Variants in PRELID2 observed in about 807,000 individuals in gnomAD.
The protein encoded by PRELID2 is PRELI domain-containing protein 2.
Under a neutral mutation model 28.4 loss-of-function variants are expected in PRELID2, and 25 were observed. The ratio of observed to expected loss-of-function variants is 0.88; its 90% CI spans 0.64 to 1.23. The LOEUF (loss-of-function observed/expected upper bound fraction) is 1.23. Ranked by LOEUF, PRELID2 falls within the 50% of genes most tolerant of loss-of-function variation. The pLI, the probability that PRELID2 is intolerant of heterozygous loss-of-function variation, is 0.00. For missense variants in PRELID2, 201 were observed against 214.4 expected, an observed-to-expected ratio of 0.94 and a Z score of 0.39; for synonymous variants, 76 against 71.6, an observed-to-expected ratio of 1.06 and a Z score of -0.31.
chr5:145,336,109 C>G, the PRELID2 span, among the ~76,000 whole-genome samples: 2 of 152,108 alleles, frequency 1.3e-5, no homozygotes, highest in Non-Finnish European at 2.9e-5. Flanking sequence ...TGCCCACTTT[C>G]TGATGGGGTT....
chr5:145,504,183 A>G (rs1455283691), intron 1 of PRELID2, among the ~76,000 whole-genome samples: 1 of 152,176 alleles, frequency 6.6e-6, no homozygotes, highest in Non-Finnish European at 1.5e-5. Context: ...GGAACAGCAC[A>G]AGCTAGCAGG....
chr5:145,315,734 C>T, the PRELID2 span, among the ~76,000 whole-genome samples: 1 of 150,782 alleles, frequency 6.6e-6, no homozygotes, highest in Non-Finnish European at 1.5e-5. Context: ...TATGGCACAT[C>T]CATATAATGG....
At chr5:145,416,386 G>T in the PRELID2 span, among the ~76,000 whole-genome samples, 1 of 151,868 alleles carries the variant, frequency 6.6e-6, no homozygotes, top group Non-Finnish European at 1.5e-5. Flanking sequence ...AACACCAAAA[G>T]CAATGGCAAC....
the PRELID2 span, among the ~76,000 whole-genome samples, chr5:145,432,964 C>T: frequency 3.2e-3 from 492 of 152,236 alleles, 4 homozygotes; most frequent in African/African-American, 0.011. Context: ...AAATATCCAG[C>T]TTTAATGCTA....
intron 1 of PRELID2, among the ~76,000 whole-genome samples, chr5:145,526,088 C>T (rs1046904245): frequency 1.3e-5 from 2 of 152,180 alleles, no homozygotes; most frequent in Admixed American, 6.5e-5. Flanking sequence ...ACCATCATAG[C>T]TATAAAAGCC....
At chr5:145,427,501 A>C in the PRELID2 span, among the ~76,000 whole-genome samples, 1 of 152,238 alleles carries the variant, frequency 6.6e-6, no homozygotes, top group Non-Finnish European at 1.5e-5. Context: ...TGGAGAGCGC[A>C]GAATCAGTGA....
At chr5:145,627,466 T>G (rs78243758) in intron 1 of PRELID2, among the ~76,000 whole-genome samples, 3,062 of 152,108 alleles carry the variant, frequency 0.02, 116 homozygotes, top group African/African-American at 0.07. Flanking sequence ...ATAACATAAC[T>G]GCACTTACAC....
At chr5:145,267,091 G>A in the PRELID2 span, among the ~76,000 whole-genome samples, 32 of 152,144 alleles carry the variant, frequency 2.1e-4, 1 homozygote, top group East Asian at 2.1e-3. Flanking sequence ...TCTGCAAGCC[G>A]AGGAGCAAAG....
At chr5:145,528,690 TACACACACACAC>T (rs34302691) in intron 1 of PRELID2, among the ~76,000 whole-genome samples, 20 of 129,764 alleles carry the variant, frequency 1.5e-4, no homozygotes, top group African/African-American at 2.4e-4. Context: ...CATTCTAAAC[TACACACACACAC>T]ACACACACAC....
At chr5:145,698,050 G>C (rs1755320510) in intron 1 of PRELID2, among the ~76,000 whole-genome samples, 1 of 151,724 alleles carries the variant, frequency 6.6e-6, no homozygotes, top group South Asian at 2.1e-4. Flanking sequence ...AAACATAAAT[G>C]CAAGCTCTTT....
chr5:145,404,422 G>A, the PRELID2 span, among the ~76,000 whole-genome samples: 2 of 152,080 alleles, frequency 1.3e-5, no homozygotes, highest in Admixed American at 6.6e-5. Context: ...GACATTATTT[G>A]CATTTATTCA....
chr5:145,447,082 T>C, the PRELID2 span, among the ~76,000 whole-genome samples: 3 of 150,698 alleles, frequency 2.0e-5, no homozygotes, highest in East Asian at 3.9e-4. Flanking sequence ...AATAAATAAA[T>C]AAAAATTTAA....
At chr5:145,775,378 G>C (rs1484466898) in intron 5 of PRELID2, among the ~76,000 whole-genome samples, 3 of 152,130 alleles carry the variant, frequency 2.0e-5, no homozygotes, top group Non-Finnish European at 4.4e-5. Flanking sequence ...GTCAGCTTCG[G>C]CACATTCCTT....
At chr5:145,584,977 C>T (rs1278739500) in intron 1 of PRELID2, among the ~76,000 whole-genome samples, 3 of 152,118 alleles carry the variant, frequency 2.0e-5, no homozygotes, top group Admixed American at 1.3e-4. Context: ...TATAAAGATA[C>T]ATGCATGTGT....
chr5:145,673,200 C>G (rs1754744823), intron 1 of PRELID2, among the ~76,000 whole-genome samples: 1 of 152,250 alleles, frequency 6.6e-6, no homozygotes, highest in Admixed American at 6.5e-5. Flanking sequence ...GGGTTGAAGG[C>G]AGCCAACCAA....
At chr5:145,780,400 G>A (rs1187866236) in intron 5 of PRELID2, among the ~76,000 whole-genome samples, 1 of 152,176 alleles carries the variant, frequency 6.6e-6, no homozygotes, top group East Asian at 1.9e-4. Context: ...TACAAAGTAG[G>A]TTCCAATATT....
At chr5:145,523,247 A>G (rs539047393) in intron 1 of PRELID2, among the ~76,000 whole-genome samples, 84 of 152,204 alleles carry the variant, frequency 5.5e-4, no homozygotes, top group Non-Finnish European at 1.1e-3. Flanking sequence ...TCATCATCTA[A>G]CAGATGCAAT....
intron 1 of PRELID2, among the ~76,000 whole-genome samples, chr5:145,730,203 T>A (rs1756299292): frequency 6.6e-6 from 1 of 152,116 alleles, no homozygotes; most frequent in Non-Finnish European, 1.5e-5. Context: ...ACCCTGGACA[T>A]GTTCCAAGAC....
chr5:145,269,096 A>C, the PRELID2 span, among the ~76,000 whole-genome samples: 23 of 152,122 alleles, frequency 1.5e-4, no homozygotes, highest in Admixed American at 1.3e-4. Flanking sequence ...TAAGATGCTA[A>C]TACTCTCCAA....
Sources: allele counts gnomAD v4.1 joint callset (sites outside exome capture counted in the v4.1 genomes callset), GRCh38; gene constraint gnomAD v4.1.1; transcripts MANE v1.5; gene names NCBI Gene and HGNC (gene_info 2026-07-23, HGNC 2026-07-21).